Variants in SAMD5 observed in about 807,000 individuals in gnomAD.
The protein encoded by SAMD5 is sterile alpha motif domain containing 5, also known as sterile alpha motif domain-containing protein 5.
In SAMD5, 13 loss-of-function variants were observed where a neutral mutation model predicts 11.3. That is an observed-to-expected ratio of 1.15 (90% CI 0.75 to 1.83). The LOEUF is 1.83. Among genes scored for constraint, SAMD5 ranks in the 40% most tolerant of loss-of-function variants. The probability of loss-of-function intolerance (pLI) is 0.00; values close to 1 mark genes in which losing one functional copy is unlikely to be tolerated. For missense variants in SAMD5, 255 were observed against 239.1 expected (o/e 1.07, Z -0.44); for synonymous variants, 129 against 111.3 (o/e 1.16, Z -1.00).
the SAMD5 span, among the ~76,000 whole-genome samples, chr6:147,900,451 C>T: frequency 3.3e-5 from 5 of 152,282 alleles, no homozygotes; most frequent in East Asian, 5.8e-4. Flanking sequence ...ACAGGTCATT[C>T]GTATAATGAG....
At chr6:147,746,103 G>A in the SAMD5 span, among the ~76,000 whole-genome samples, 1 of 152,166 alleles carries the variant, frequency 6.6e-6, no homozygotes, top group Non-Finnish European at 1.5e-5. Context: ...TTCCATCCCT[G>A]TTTCACTGGA....
chr6:147,609,772 G>A (rs773292786), intron 1 of SAMD5, among the ~76,000 whole-genome samples: 40 of 151,910 alleles, frequency 2.6e-4, no homozygotes, highest in Admixed American at 4.6e-4. Flanking sequence ...TGGGCAGGCT[G>A]GTCCCGAACT....
At chr6:147,827,825 T>G in the SAMD5 span, among the ~76,000 whole-genome samples, 1 of 152,106 alleles carries the variant, frequency 6.6e-6, no homozygotes, top group African/African-American at 2.4e-5. Context: ...AGTCTCGCTC[T>G]GTGGCCCAGG....
chr6:147,794,799 A>C, the SAMD5 span, among the ~76,000 whole-genome samples: 1 of 152,040 alleles, frequency 6.6e-6, no homozygotes, highest in African/African-American at 2.4e-5. Flanking sequence ...GCCTGCAAAG[A>C]CTTACCCTTT....
intron 1 of SAMD5, among the ~76,000 whole-genome samples, chr6:147,640,326 CA>C (rs752696622): frequency 1.3e-3 from 153 of 121,628 alleles, no homozygotes; most frequent in Middle Eastern, 4.3e-3. Flanking sequence ...GACTTCATCT[CA>C]AAAAAAAAAA....
intron 1 of SAMD5, among the ~76,000 whole-genome samples, chr6:147,595,066 G>C (rs1789509292): frequency 6.6e-6 from 1 of 152,138 alleles, no homozygotes. Flanking sequence ...TTATGTGTTA[G>C]AATAAGTTTC....
At chr6:147,936,962 G>A in the SAMD5 span, among the ~76,000 whole-genome samples, 1 of 152,156 alleles carries the variant, frequency 6.6e-6, no homozygotes, top group East Asian at 1.9e-4. Flanking sequence ...AAATGTGAGT[G>A]TGTGTGTTGA....
At chr6:147,635,748 G>A (rs1790221268) in intron 1 of SAMD5, among the ~76,000 whole-genome samples, 1 of 152,112 alleles carries the variant, frequency 6.6e-6, no homozygotes, top group Non-Finnish European at 1.5e-5. Context: ...ATGAGAAGAG[G>A]ATGCCCAAAT....
intron 1 of SAMD5, among the ~76,000 whole-genome samples, chr6:147,628,711 G>C (rs1454345594): frequency 1.3e-5 from 2 of 151,964 alleles, no homozygotes; most frequent in Non-Finnish European, 2.9e-5. Flanking sequence ...CTCCAAAAAA[G>C]GAAGAAAAAG....
At chr6:147,732,436 T>C (rs1791729497) in intron 1 of SAMD5, among the ~76,000 whole-genome samples, 1 of 152,180 alleles carries the variant, frequency 6.6e-6, no homozygotes, top group Non-Finnish European at 1.5e-5. Flanking sequence ...GCCAGTAATA[T>C]CATCTGCAGA....
intron 1 of SAMD5, among the ~76,000 whole-genome samples, chr6:147,638,126 T>C (rs1790258269): frequency 6.6e-6 from 1 of 151,962 alleles, no homozygotes; most frequent in Admixed American, 6.6e-5. Flanking sequence ...CCTCCCTCTC[T>C]CTCCCCACCA....
the SAMD5 span, among the ~76,000 whole-genome samples, chr6:147,758,918 T>C: frequency 6.6e-6 from 1 of 152,194 alleles, no homozygotes; most frequent in Non-Finnish European, 1.5e-5. Flanking sequence ...TACTCTGCAT[T>C]GGATGTAATC....
chr6:147,916,516 T>G, the SAMD5 span, among the ~76,000 whole-genome samples: 1 of 152,172 alleles, frequency 6.6e-6, no homozygotes, highest in South Asian at 2.1e-4. Context: ...ATGATGAGTA[T>G]TTTTTCATAT....
At chr6:147,609,706 G>A (rs1372816369) in intron 1 of SAMD5, among the ~76,000 whole-genome samples, 19 of 151,964 alleles carry the variant, frequency 1.3e-4, no homozygotes, top group East Asian at 3.9e-4. Flanking sequence ...ACAGGCGCCC[G>A]CCACCACGCC....
chr6:147,729,786 TCAAGAAACAG>T (rs1791682457), intron 1 of SAMD5: 1 of 456,748 alleles, frequency 2.2e-6, no homozygotes, highest in African/African-American at 2.0e-5. Context: ...CCTGATGTGT[TCAAGAAACAG>T]CAAGGAGGCT....
intron 1 of SAMD5, among the ~76,000 whole-genome samples, chr6:147,731,332 A>C (rs1363438975): frequency 6.6e-6 from 1 of 152,194 alleles, no homozygotes; most frequent in Non-Finnish European, 1.5e-5. Flanking sequence ...AACATAGGTC[A>C]GTCAGAAGAA....
At chr6:147,867,860 A>AT in the SAMD5 span, among the ~76,000 whole-genome samples, 1 of 152,198 alleles carries the variant, frequency 6.6e-6, no homozygotes, top group African/African-American at 2.4e-5. Flanking sequence ...TGTCTTCCTT[A>AT]TTGCTAAAAC....
chr6:147,739,416 G>A (rs542355758), downstream of SAMD5, among the ~76,000 whole-genome samples: 29 of 152,196 alleles, frequency 1.9e-4, no homozygotes, highest in African/African-American at 7.0e-4. Flanking sequence ...GCAACATAGT[G>A]AGACTTCATT....
chr6:147,573,832 C>T (rs759886376), downstream of SAMD5, among the ~76,000 whole-genome samples: 16 of 152,020 alleles, frequency 1.1e-4, no homozygotes, highest in Non-Finnish European at 2.4e-4. Context: ...AGAATAAAAG[C>T]GTACATTCAT....
Sources: allele counts gnomAD v4.1 joint callset (sites outside exome capture counted in the v4.1 genomes callset), GRCh38; gene constraint gnomAD v4.1.1; transcripts MANE v1.5; gene names NCBI Gene and HGNC (gene_info 2026-07-23, HGNC 2026-07-21).